AKAP1: variants seen among roughly 807,000 people sequenced by gnomAD.
AKAP1 encodes the protein A-kinase anchor protein 1, mitochondrial.
AKAP1 carries 32 observed loss-of-function variants against 79.8 expected under a neutral mutation model. The ratio of observed to expected loss-of-function variants is 0.40; its 90% CI spans 0.30 to 0.54. The LOEUF is 0.54. Among genes scored for constraint, AKAP1 ranks in the 20% least tolerant of loss-of-function variants. The probability of loss-of-function intolerance (pLI) is 0.47; values close to 1 mark genes in which losing one functional copy is unlikely to be tolerated. For missense variants in AKAP1, 961 were observed against 1,138.9 expected (o/e 0.84, Z 2.25); for synonymous variants, 416 against 466.7 (o/e 0.89, Z 1.40).
intron 1 of AKAP1, among the ~76,000 whole-genome samples, chr17:57,097,780 T>C (rs986908821): frequency 6.6e-6 from 1 of 152,220 alleles, no homozygotes; most frequent in Non-Finnish European, 1.5e-5. Flanking sequence ...ATGTTCAAAT[T>C]CCAGTGTAAA....
intron 1 of AKAP1, chr17:57,096,258 A>G (rs1914106279): frequency 6.6e-6 from 1 of 152,234 alleles, no homozygotes; most frequent in African/African-American, 2.4e-5. Flanking sequence ...TGTCTTACCT[A>G]GAGCACCTGG....
chr17:57,118,848 C>T (rs745503811), intron 9 of AKAP1, 134 bp from the exon 10 acceptor site: 119 of 927,832 alleles, frequency 1.3e-4, no homozygotes, highest in Non-Finnish European at 1.2e-4. Context: ...ATGGGCACAC[C>T]GCCTCATGAT....
rs902189061 is a variant in AKAP1, at chr17:57,086,883, T to C, written c.-25+1485T>C. Among the ~76,000 whole-genome samples, 1 of 151,968 alleles carries C rather than the reference T, an allele frequency of 6.6e-6. No homozygotes were observed. Among genetic ancestry groups the C allele is most frequent in the African/African-American group, 2.4e-5 (1 of 41,378 alleles). On this transcript the variant is annotated intron_variant, in intron 1 of 10. Coordinates refer to ENST00000337714, the MANE Select transcript of AKAP1 (RefSeq NM_003488.4). This position sits in a 1 kb window ranked among gnomAD's most constrained non-coding sequence, Gnocchi z 5.1. The stretch of plus-strand genomic sequence containing the variant: ...ACTTTGCTCTTAAAGGTACAGAACA[T>C]CTTTGAAATGAAGAAGGCTGCCTGA...
Position 57,120,543 on chromosome 17 carries a change from G to T in AKAP1, c.*219G>T, listed in dbSNP as rs1294469108. ...CCAAAGGATAGTGTTTAACAAGCCA[G>T]CTGGCTTATGCTGGTTCTCAGCTGT... On this transcript the variant is annotated 3_prime_UTR_variant, in exon 11 of 11. Transcript: ENST00000337714. 2 of 394,606 alleles carry T rather than the reference G, an allele frequency of 5.1e-6. No individual in the cohort carries two copies. Among genetic ancestry groups the T allele is most frequent in the African/African-American group, 2.1e-5 (1 of 47,782 alleles). 24.4% of individuals were successfully genotyped at this position (394,606 alleles called of 1,614,324 possible).
chr17:57,114,537 C>T lies in AKAP1; in HGVS notation c.2182C>T (p.His728Tyr), dbSNP rs1416632137. 32 of 1,614,196 alleles carry T rather than the reference C, an allele frequency of 2.0e-5. No homozygotes were observed. The highest frequency in any genetic ancestry group is 2.7e-5 in the Non-Finnish European group (32 of 1,180,026). Residue 728 changes from histidine (H) to tyrosine (Y), a missense_variant, in exon 6 of 11, where the codon CAC becomes TAC. By Grantham distance (83) the His-to-Tyr change is moderately conservative (BLOSUM62 2). Transcript: ENST00000337714. ...TGCCGGGCACCTGTTCGTGCAGCAG[C>T]ACACACACCCTACCTTCCACGCGCT... is the stretch of plus-strand genomic sequence containing the variant. ...VNAGHLFVQQ[H>Y]THPTFHALRS...
chr17:57,102,556 C>A (rs1456951283), intron 1 of AKAP1, among the ~76,000 whole-genome samples: 1 of 151,592 alleles, frequency 6.6e-6, no homozygotes, highest in Non-Finnish European at 1.5e-5. Flanking sequence ...ACCTCTGCCT[C>A]CCGGGTTCAA....
Position 57,086,023 on chromosome 17 carries a change from T to A in AKAP1, c.-25+625T>A, listed in dbSNP as rs529234570. On this transcript the variant is annotated intron_variant, in intron 1 of 10. Transcript: ENST00000337714. This position sits in a 1 kb window ranked among gnomAD's most constrained non-coding sequence, Gnocchi z 5.1. ...GGGCCGGGACATCGGCCGGTTGTGA[T>A]CCAACCGTGTTTCGGGCTGAGGGAC... is the stretch of plus-strand genomic sequence containing the variant. The A allele has an allele frequency of 2.6e-4, 50 of 191,752 alleles. No individual in the cohort carries two copies. In the South Asian group the frequency reaches 3.6e-3, roughly 14 times the overall value. The allele number at this position is 191,752 out of a possible 1,614,324, so 11.9% of individuals were successfully genotyped here. A position where few individuals can be genotyped will look rare whatever the true frequency, so the allele number is the denominator to read the frequency against.
chr17:57,114,895 A>ATT (rs1915484964), intron 6 of AKAP1, among the ~76,000 whole-genome samples: 2 of 144,358 alleles, frequency 1.4e-5, no homozygotes, highest in South Asian at 4.4e-4. Context: ...TTTTTTTTTA[A>ATT]TTTTTTCTTT....
intron 1 of AKAP1, among the ~76,000 whole-genome samples, chr17:57,087,181 T>C (rs946425445): frequency 4.6e-5 from 7 of 152,246 alleles, no homozygotes; most frequent in Admixed American, 1.3e-4. Context: ...ATTAATAGGC[T>C]CTGTCTTCAT....
intron 9 of AKAP1, 49 bp from the exon 10 acceptor site, chr17:57,118,933 T>G: frequency 3.8e-6 from 6 of 1,577,110 alleles, no homozygotes; most frequent in African/African-American, 2.7e-5. Flanking sequence ...GATATTTGAG[T>G]GGGGACACAA....
rs762792924 is a variant in AKAP1, at chr17:57,120,348, C to CT, written c.*31dup. 3.1e-6 allele frequency: 5 copies of CT among 1,603,104 alleles called. No individual in the cohort carries two copies. Among genetic ancestry groups the CT allele is most frequent in the East Asian group, 2.2e-5 (1 of 44,758 alleles). On this transcript the variant is annotated 3_prime_UTR_variant, in exon 11 of 11. Transcript: ENST00000337714. ...GACCCCCATGCTGCTTCCTGAGAGTCTTTTTTTGCACTGTTGAAATTGGGC... is the reference window on the plus strand; with the variant it reads ...GACCCCCATGCTGCTTCCTGAGAGTCTTTTTTTTGCACTGTTGAAATTGGGC...
intron 1 of AKAP1, among the ~76,000 whole-genome samples, chr17:57,097,483 C>A (rs186302806): frequency 4.9e-4 from 74 of 152,308 alleles, no homozygotes; most frequent in African/African-American, 1.7e-3. Context: ...TGGAATCTTG[C>A]GGAGAACTCC....
intron 1 of AKAP1, among the ~76,000 whole-genome samples, chr17:57,097,015 G>A (rs886276020): frequency 6.6e-6 from 1 of 152,008 alleles, no homozygotes; most frequent in Admixed American, 6.6e-5. Flanking sequence ...TTTACCTCTT[G>A]TGACCTACTC....
Position 57,120,281 on chromosome 17 carries a change from G to A in AKAP1, c.2669G>A (p.Arg890Gln), listed in dbSNP as rs199862646. The A allele has an allele frequency of 1.4e-5, 22 of 1,613,764 alleles. No homozygotes were observed. The highest frequency in any genetic ancestry group is 1.6e-5 in the Non-Finnish European group (19 of 1,179,896). ...VVLINRSLVERGLAQWVDSYY... is the reference protein window; with the variant it reads ...VVLINRSLVEQGLAQWVDSYY... ...TTGATAAACCGGTCCCTGGTGGAGC[G>A]AGGCCTTGCCCAGTGGGTAGACAGC... is the stretch of plus-strand genomic sequence containing the variant. Residue 890 changes from arginine (R) to glutamine (Q), a missense_variant, in exon 11 of 11, where the codon CGA (arginine) becomes CAA (glutamine). Physicochemically the swap from Arg to Gln is conservative, Grantham distance 43. Transcript: ENST00000337714.
chr17:57,097,392 T>C (rs1914185042), intron 1 of AKAP1, among the ~76,000 whole-genome samples: 1 of 152,186 alleles, frequency 6.6e-6, no homozygotes, highest in Non-Finnish European at 1.5e-5. Flanking sequence ...TTAAACATAT[T>C]TGAATGAATG....
chr17:57,096,523 C>A (rs1296661919), intron 1 of AKAP1: 1 of 152,238 alleles, frequency 6.6e-6, no homozygotes, highest in Non-Finnish European at 1.5e-5. Flanking sequence ...CCTCACAACC[C>A]CACTGTGAGC....
chr17:57,103,591 T>C (rs1408232353), intron 1 of AKAP1, among the ~76,000 whole-genome samples: 1 of 152,202 alleles, frequency 6.6e-6, no homozygotes, highest in Non-Finnish European at 1.5e-5. Context: ...GTCAAACCAA[T>C]ATGAGTTGTT....
chr17:57,087,255 G>A (rs181685818), intron 1 of AKAP1, among the ~76,000 whole-genome samples: 64 of 152,310 alleles, frequency 4.2e-4, no homozygotes, highest in Non-Finnish European at 6.9e-4. Flanking sequence ...AGTGAGACAG[G>A]TCTAATGGAT....
chr17:57,111,984 G>A (rs1386595288), intron 4 of AKAP1, 60 bp downstream of exon 4: 10 of 1,570,060 alleles, frequency 6.4e-6, no homozygotes, highest in Middle Eastern at 1.7e-4. Flanking sequence ...GAAGTGAATA[G>A]CATCTGAGTT....
Sources: allele counts gnomAD v4.1 joint callset (sites outside exome capture counted in the v4.1 genomes callset), GRCh38; gene constraint gnomAD v4.1.1; non-coding constraint Gnocchi (gnomAD v3.1); transcripts MANE v1.5; gene names NCBI Gene and HGNC (gene_info 2026-07-23, HGNC 2026-07-21).